The following NRBP2 variants were observed in gnomAD, a reference collection of about 807,000 sequenced individuals.
NRBP2 encodes the protein nuclear receptor binding protein 2.
NRBP2 carries 47 observed loss-of-function variants against 74.4 expected under a neutral mutation model. The observed-to-expected ratio is 0.63, with a 90% CI of 0.50 to 0.81. The LOEUF is 0.81. NRBP2 is among the 30% of genes least tolerant of loss of function. The pLI is 0.00. For synonymous variants in NRBP2, 312 were observed against 273.8 expected, an observed-to-expected ratio of 1.14 and a Z score of -1.38; for missense variants, 613 against 690.1, an observed-to-expected ratio of 0.89 and a Z score of 1.25.
rs782444184 is a variant in NRBP2, at chr8:143,837,654, G to C, written c.942C>G (p.Leu314=). ...GCTGGATGAAGCAGTGGGCTGCCAG[G>C]AGCTTCAGCGAGTGCACCTCGAAGA... The part of the protein sequence containing the change: ...RVLFEVHSLK[L]LAAHCFIQHQ... The change falls in exon 11 of 18, where the codon CTC becomes CTG. Residue 314 remains leucine (L), a synonymous_variant. Transcript: ENST00000442628. This position sits in a 1 kb window ranked among gnomAD's most constrained non-coding sequence, Gnocchi z 4.3. 3 of 1,596,770 alleles carry C rather than the reference G, an allele frequency of 1.9e-6. No homozygotes were observed. Among genetic ancestry groups the C allele is most frequent in the African/African-American group, 2.7e-5 (2 of 74,866 alleles).
downstream of NRBP2, chr8:143,833,132 G>C: frequency 6.6e-6 from 1 of 152,590 alleles, no homozygotes; most frequent in Non-Finnish European, 1.5e-5. Flanking sequence ...GCCTGGGCAG[G>C]GGGCTTGTAT....
rs782497378 is a variant in NRBP2 at position 143,837,806 on chromosome 8, G to A, written c.841-51C>T. 1 of 1,549,950 alleles carries A rather than the reference G, an allele frequency of 6.5e-7. No individual in the cohort carries two copies. Among genetic ancestry groups the A allele is most frequent in the Non-Finnish European group, 8.7e-7 (1 of 1,146,826 alleles). ...TGGTGTGCAAGGGCTCTCTGCTCTG[G>A]CCCCGCAGTTCGAGGAGAGGTGGCC... On this transcript the variant is annotated intron_variant, in intron 10 of 17. Coordinates refer to ENST00000442628, the MANE Select transcript of NRBP2 (RefSeq NM_178564.4). The surrounding 1 kb of genome is among the most constrained non-coding windows in gnomAD (Gnocchi z 4.3).
At position 143,837,250 on chromosome 8, in the gene NRBP2, T is replaced by C; in HGVS notation, c.1126A>G (p.Arg376Gly). The change falls in exon 13 of 18, where the codon AGG becomes GGG. Residue 376 changes from arginine to glycine, a missense_variant and splice_region_variant. By Grantham distance (125) the Arg-to-Gly change is moderately radical. Coordinates refer to ENST00000442628, the MANE Select transcript of NRBP2 (RefSeq NM_178564.4). The surrounding 1 kb of genome is among the most constrained non-coding windows in gnomAD (Gnocchi z 4.3). ...MELDKFLEDVRNGIYPLMNFA... is the reference protein window; with the variant it reads ...MELDKFLEDVGNGIYPLMNFA... ...CCCCAACCTTACATCAGTTCTCACC[T>C]GACATCCTCCAGGAATTTGTCCAGC... is the stretch of plus-strand genomic sequence containing the variant. 1.2e-6 allele frequency: 2 copies of C among 1,613,708 alleles called. No individual in the cohort carries two copies. Among genetic ancestry groups the C allele is most frequent in the Non-Finnish European group, 8.5e-7 (1 of 1,179,954 alleles).
Position 143,839,908 on chromosome 8 carries a change from C to G in NRBP2, c.354+21G>C. 1 of 1,535,778 alleles carries G rather than the reference C, an allele frequency of 6.5e-7. No individual in the cohort carries two copies. Among genetic ancestry groups the G allele is most frequent in the Non-Finnish European group, 8.7e-7 (1 of 1,146,566 alleles). The stretch of plus-strand genomic sequence containing the variant: ...CACCTAGCTGTGGTCTCTGCCTGCC[C>G]GGGGCCTTGCCCGTGCTCACCCTCG... On this transcript the variant is annotated intron_variant, in intron 3 of 17. Coordinates refer to ENST00000442628, the MANE Select transcript of NRBP2 (RefSeq NM_178564.4). This position sits in a 1 kb window ranked among gnomAD's most constrained non-coding sequence, Gnocchi z 5.1.
Position 143,835,795 on chromosome 8 carries a change from G to C in NRBP2, c.1437+25C>G. 6.2e-7 allele frequency: 1 copy of C among 1,601,742 alleles called. No individual in the cohort carries two copies. Among genetic ancestry groups the C allele is most frequent in the Non-Finnish European group, 8.5e-7 (1 of 1,174,698 alleles). On this transcript the variant is annotated intron_variant, in intron 17 of 17. Transcript: ENST00000442628. The surrounding 1 kb of genome is among the most constrained non-coding windows in gnomAD (Gnocchi z 4.9). ...CCTGCCCCGTGCGCCCCCTCCGCCA[G>C]GCCGCGCCGCACCGCCCAGCGCACC... is the stretch of plus-strand genomic sequence containing the variant.
At position 143,839,742 on chromosome 8, in the gene NRBP2, G is replaced by C; in HGVS notation, c.438C>G (p.Asn146Lys). 1 of 1,535,946 alleles carries C rather than the reference G, an allele frequency of 6.5e-7. No homozygotes were observed. Among genetic ancestry groups the C allele is most frequent in the Non-Finnish European group, 8.7e-7 (1 of 1,146,778 alleles). Residue 146 changes from asparagine to lysine, a missense_variant, in exon 4 of 18, where the codon AAC becomes AAG. Physicochemically the swap from Asn to Lys is moderately conservative, Grantham distance 94 (BLOSUM62 0). This residue lies in a region of NRBP2 where 332 missense variants were observed against 429.2 expected (regional missense o/e 0.77). Transcript: ENST00000442628. This position sits in a 1 kb window ranked among gnomAD's most constrained non-coding sequence, Gnocchi z 5.1. ...KKTKKNHKAM[N>K]ARAWKRWCTQ... Reference sequence around the variant, plus strand: ...CCCAGCCCGCTCCCCATACCCGGGCGTTCATGGCCTTGTGGTTCTTCTTGG... The same window carrying C: ...CCCAGCCCGCTCCCCATACCCGGGCCTTCATGGCCTTGTGGTTCTTCTTGG...
At position 143,837,242 on chromosome 8, in the gene NRBP2, T is replaced by G. The variant is rs543881516; in HGVS notation, c.1127+7A>C. 1.9e-6 allele frequency: 3 copies of G among 1,613,876 alleles called. No individual in the cohort carries two copies. Among genetic ancestry groups the G allele is most frequent in the East Asian group, 2.2e-5 (1 of 44,870 alleles). ...TGCCTGGCCCCCAACCTTACATCAG[T>G]TCTCACCTGACATCCTCCAGGAATT... On this transcript the variant is annotated splice_region_variant and intron_variant, in intron 13 of 17. Transcript: ENST00000442628. The surrounding 1 kb of genome is among the most constrained non-coding windows in gnomAD (Gnocchi z 4.3).
At chr8:143,836,835 G>A (rs1554651920) in intron 14 of NRBP2, among the ~76,000 whole-genome samples, 1 of 151,996 alleles carries the variant, frequency 6.6e-6, no homozygotes, top group East Asian at 1.9e-4. Flanking sequence ...TGAGGGGACA[G>A]GGAGCCTCCC....
intron 10 of NRBP2, chr8:143,838,100 G>A: frequency 1.9e-6 from 1 of 533,656 alleles, no homozygotes; most frequent in Non-Finnish European, 3.5e-6. Context: ...CGACCTTGAT[G>A]GGTCCCCACT....
At position 143,839,330 on chromosome 8, in the gene NRBP2, G is replaced by T. The variant is rs1482926448; in HGVS notation, c.564C>A (p.Leu188=). 12 of 1,562,436 alleles carry T rather than the reference G, an allele frequency of 7.7e-6. No individual in the cohort carries two copies. The Admixed American group carries it at 2.1e-4, about 27-fold the overall frequency. Residue 188 remains leucine (L), a synonymous_variant, in exon 6 of 18, where the codon CTC becomes CTA. Transcript: ENST00000442628. This position sits in a 1 kb window ranked among gnomAD's most constrained non-coding sequence, Gnocchi z 5.1. The part of the protein sequence containing the change: ...SDTIFIQHNG[L]IKIGSVWHRI... ...CGCCAGCACCGGAGCCGATCTTGATGAGGCCGTTGTGCTGAATGAAGATGG... is the reference window on the plus strand; with the variant it reads ...CGCCAGCACCGGAGCCGATCTTGATTAGGCCGTTGTGCTGAATGAAGATGG...
chr8:143,837,845 T>C lies in NRBP2; in HGVS notation c.841-90A>G. 1 of 1,485,338 alleles carries C rather than the reference T, an allele frequency of 6.7e-7. No individual in the cohort carries two copies. Among genetic ancestry groups the C allele is most frequent in the Non-Finnish European group, 9.1e-7 (1 of 1,093,446 alleles). The allele number at this position is 1,485,338 out of a possible 1,614,324, so 92.0% of individuals were successfully genotyped here. A position where few individuals can be genotyped will look rare whatever the true frequency, so the allele number is the denominator to read the frequency against. On this transcript the variant is annotated intron_variant, in intron 10 of 17. Transcript: ENST00000442628. The surrounding 1 kb of genome is among the most constrained non-coding windows in gnomAD (Gnocchi z 4.3). Reference sequence around the variant, plus strand: ...GGAGAGGTGGCCCCTGAGTTCCCCATGTCCCTCCTCAGGGACACACAGGAC... The same window carrying C: ...GGAGAGGTGGCCCCTGAGTTCCCCACGTCCCTCCTCAGGGACACACAGGAC...
downstream of NRBP2, among the ~76,000 whole-genome samples, chr8:143,830,386 C>T (rs537680573): frequency 6.6e-6 from 1 of 152,248 alleles, no homozygotes; most frequent in Admixed American, 6.5e-5. Context: ...CTGGCAGGCA[C>T]TGCAGTGTCT....
Position 143,835,673 on chromosome 8 carries a change from T to A in NRBP2, c.1495A>T (p.Thr499Ser). The A allele has an allele frequency of 6.3e-7, 1 of 1,594,070 alleles. No individual in the cohort carries two copies. The highest frequency in any genetic ancestry group is 2.2e-5 in the East Asian group (1 of 44,584). Residue 499 changes from threonine (T) to serine (S), a missense_variant, in exon 18 of 18, where the codon ACC becomes TCC. Around this residue, in one of 2 missense-constraint regions of NRBP2, gnomAD observed 281 missense variants for 260.9 expected, o/e 1.08. Transcript: ENST00000442628. The surrounding 1 kb of genome is among the most constrained non-coding windows in gnomAD (Gnocchi z 4.9). ...GCTGGGGCTCCGGGTCAGGCCTGGG[T>A]CCCACGGTACTTGAGGAAGGTGCTC... Reference protein sequence around the residue: ...LESTFLKYRGTQA With the variant: ...LESTFLKYRGSQA
Position 143,839,977 on chromosome 8 carries a change from G to T in NRBP2, c.306C>A (p.Ile102=). Residue 102 remains isoleucine, a synonymous_variant, in exon 3 of 18, where the codon ATC becomes ATA. Transcript: ENST00000442628. This position sits in a 1 kb window ranked among gnomAD's most constrained non-coding sequence, Gnocchi z 5.1. The part of the protein sequence containing the change: ...EQLVLVDHPN[I]VKLHKYWLDT... Reference sequence around the variant, plus strand: ...CCAGCCAGTACTTGTGCAACTTCACGATGTTCGGGTGGTCCACCAGCACCA... The same window carrying T: ...CCAGCCAGTACTTGTGCAACTTCACTATGTTCGGGTGGTCCACCAGCACCA... The T allele has an allele frequency of 1.3e-6, 2 of 1,536,160 alleles. No individual in the cohort carries two copies. Among genetic ancestry groups the T allele is most frequent in the Admixed American group, 3.9e-5 (2 of 50,994 alleles).
rs782008940 is a variant in NRBP2 at position 143,837,427 on chromosome 8, G to A, written c.1056C>T (p.Arg352=). The A allele has an allele frequency of 1.9e-6, 3 of 1,605,504 alleles. No homozygotes were observed. Among genetic ancestry groups the A allele is most frequent in the East Asian group, 2.2e-5 (1 of 44,616 alleles). Residue 352 remains arginine, a synonymous_variant, in exon 12 of 18, where the codon CGC becomes CGT. Transcript: ENST00000442628. The surrounding 1 kb of genome is among the most constrained non-coding windows in gnomAD (Gnocchi z 4.3). ...CTCACCGCCACTGCAGCGGGGGCCT[G>A]CGGGGCCGGGGAAGCTCCGCCAAGA... ...HAVLAELPRP[R]RPPLQWRYSE...
At position 143,839,581 on chromosome 8, in the gene NRBP2, G is replaced by A. The variant is rs1818602157; in HGVS notation, c.445-32C>T. 2 of 1,525,324 alleles carry A rather than the reference G, an allele frequency of 1.3e-6. No individual in the cohort carries two copies. Among genetic ancestry groups the A allele is most frequent in the African/African-American group, 2.7e-5 (2 of 72,808 alleles). The allele number at this position is 1,525,324 out of a possible 1,614,324, so 94.5% of individuals were successfully genotyped here. A position where few individuals can be genotyped will look rare whatever the true frequency, so the allele number is the denominator to read the frequency against. On this transcript the variant is annotated intron_variant, in intron 4 of 17. Transcript: ENST00000442628. This position sits in a 1 kb window ranked among gnomAD's most constrained non-coding sequence, Gnocchi z 5.1. ...GCGGACGCACGACTCCGTCGGTCGG[G>A]TGGGCGCAGGAGAGGCGGCTGGGCC... is the stretch of plus-strand genomic sequence containing the variant.
Position 143,837,184 on chromosome 8 carries a change from C to T in NRBP2, c.1128-10G>A. The stretch of plus-strand genomic sequence containing the variant: ...TGGGTAGATTCCATTCCTGGGGACA[C>T]AACAGGGTGGCTGGGGGTTCAGGCC... On this transcript the variant is annotated splice_polypyrimidine_tract_variant and intron_variant, in intron 13 of 17. Transcript: ENST00000442628. The surrounding 1 kb of genome is among the most constrained non-coding windows in gnomAD (Gnocchi z 4.3). The T allele has an allele frequency of 6.2e-7, 1 of 1,613,820 alleles. No homozygotes were observed. Among genetic ancestry groups the T allele is most frequent in the Non-Finnish European group, 8.5e-7 (1 of 1,179,932 alleles).
chr8:143,831,337 C>T (rs2130500179), downstream of NRBP2, among the ~76,000 whole-genome samples: 1 of 152,356 alleles, frequency 6.6e-6, no homozygotes, highest in Admixed American at 6.5e-5. Flanking sequence ...AAGTCCAGGT[C>T]AGGCACAGTG....
Position 143,835,418 on chromosome 8 carries a change from T to C in NRBP2, c.*244A>G. 1.6e-6 allele frequency: 1 copy of C among 608,864 alleles called. No individual in the cohort carries two copies. Among genetic ancestry groups the C allele is most frequent in the Non-Finnish European group, 2.9e-6 (1 of 345,700 alleles). 37.7% of individuals were successfully genotyped at this position (608,864 alleles called of 1,614,324 possible). ...GGAGAATGGAGGATATGGGAAGGGGTTCTGGGGGCAACCCTGATCCTAAGG... is the reference window on the plus strand; with the variant it reads ...GGAGAATGGAGGATATGGGAAGGGGCTCTGGGGGCAACCCTGATCCTAAGG... On this transcript the variant is annotated 3_prime_UTR_variant, in exon 18 of 18. Coordinates refer to ENST00000442628, the MANE Select transcript of NRBP2 (RefSeq NM_178564.4). The surrounding 1 kb of genome is among the most constrained non-coding windows in gnomAD (Gnocchi z 4.9).
Sources: gnomAD v4.1 joint callset for allele counts (sites outside exome capture counted in the v4.1 genomes callset) on GRCh38, gnomAD v4.1.1 for gene constraint, gnomAD v4.1.1 regional missense constraint, Gnocchi (gnomAD v3.1) non-coding constraint, MANE v1.5 for transcripts, NCBI Gene and HGNC (gene_info 2026-07-23, HGNC 2026-07-21) for gene names.